The following CNTN3 variants were observed in gnomAD, a reference collection of about 807,000 sequenced individuals.
The protein encoded by CNTN3 is contactin 3.
A neutral mutation model predicts 119.1 loss-of-function variants in CNTN3; 60 were observed. The ratio of observed to expected loss-of-function variants is 0.50; its 90% CI spans 0.41 to 0.62. The LOEUF is 0.62. Among genes scored for constraint, CNTN3 ranks in the 20% least tolerant of loss-of-function variants. The pLI, the probability that CNTN3 is intolerant of heterozygous loss-of-function variation, is 0.00. For missense variants in CNTN3, 1,101 were observed against 1,242.4 expected (o/e 0.89, Z 1.71); for synonymous variants, 450 against 438.7 (o/e 1.03, Z -0.32).
intron 20 of CNTN3, among the ~76,000 whole-genome samples, chr3:74,278,406 A>G (rs999015119): frequency 2.6e-5 from 4 of 152,196 alleles, no homozygotes; most frequent in Non-Finnish European, 5.9e-5. Context: ...GTACAAAAGT[A>G]GGAGCATAGA....
At chr3:74,422,147 G>C (rs971603746) in intron 5 of CNTN3, among the ~76,000 whole-genome samples, 35 of 152,182 alleles carry the variant, frequency 2.3e-4, no homozygotes, top group African/African-American at 8.2e-4. Flanking sequence ...ACATAGGCCT[G>C]CCCTCAAGAA....
intron 1 of CNTN3, among the ~76,000 whole-genome samples, chr3:74,592,029 A>T (rs1704711367): frequency 1.3e-5 from 2 of 151,964 alleles, no homozygotes; most frequent in Admixed American, 6.6e-5. Context: ...AATATCAACC[A>T]GCCAGAGCAG....
At chr3:74,520,885 G>A (rs1002667208) in intron 2 of CNTN3, among the ~76,000 whole-genome samples, 173 bp downstream of exon 2, 43 of 151,422 alleles carry the variant, frequency 2.8e-4, no homozygotes, top group African/African-American at 1.0e-3. Flanking sequence ...AATAAGGGAA[G>A]GAATAAGAAC....
intron 1 of CNTN3, among the ~76,000 whole-genome samples, chr3:74,588,462 A>G (rs1052679438): frequency 2.0e-5 from 3 of 152,074 alleles, no homozygotes; most frequent in African/African-American, 4.8e-5. Flanking sequence ...AAGAGGATAC[A>G]AACAAATGGA....
At chr3:74,340,281 A>G (rs1229474751) in intron 11 of CNTN3, among the ~76,000 whole-genome samples, 1 of 152,144 alleles carries the variant, frequency 6.6e-6, no homozygotes, top group Admixed American at 6.6e-5. Flanking sequence ...TGTAGCAAAA[A>G]GATAAGGCAA....
intron 4 of CNTN3, among the ~76,000 whole-genome samples, chr3:74,441,193 A>C (rs1210193003): frequency 6.6e-6 from 1 of 152,132 alleles, no homozygotes; most frequent in Non-Finnish European, 1.5e-5. Context: ...ACCCAGAAAA[A>C]ACCCATCAAC....
At chr3:74,413,492 G>A (rs923784438) in intron 5 of CNTN3, among the ~76,000 whole-genome samples, 3 of 152,120 alleles carry the variant, frequency 2.0e-5, no homozygotes, top group African/African-American at 7.2e-5. Context: ...ACCAGCAAAT[G>A]GGAAATGCAT....
chr3:74,343,660 G>T (rs1318220950), intron 11 of CNTN3, among the ~76,000 whole-genome samples: 1 of 152,192 alleles, frequency 6.6e-6, no homozygotes, highest in African/African-American at 2.4e-5. Context: ...ATGCAGTCTT[G>T]GTAGGGCTAT....
chr3:74,298,132 A>G lies in CNTN3; in HGVS notation c.2226T>C (p.Pro742=), dbSNP rs1410271284. The G allele has an allele frequency of 1.1e-5, 18 of 1,612,516 alleles. No individual in the cohort carries two copies. Among genetic ancestry groups the G allele is most frequent in the Non-Finnish European group, 1.4e-5 (17 of 1,179,086 alleles). Residue 742 remains proline, a synonymous_variant, in exon 18 of 23, where the codon CCT becomes CCC. Coordinates refer to ENST00000263665, the MANE Select transcript of CNTN3 (RefSeq NM_020872.3). ...TCTGGATCCAGGTGGTAACCCCAAG[A>G]GGGCGGAAAGCAACAACATACCCAA... ...EGFGYVVAFR[P]LGVTTWIQTV...
chr3:74,461,627 C>T (rs960063349), intron 4 of CNTN3, among the ~76,000 whole-genome samples: 5 of 152,052 alleles, frequency 3.3e-5, no homozygotes, highest in African/African-American at 9.7e-5. Flanking sequence ...GATCCATTGA[C>T]ATCATTAGTA....
chr3:74,585,398 G>A (rs1704576955), intron 1 of CNTN3, among the ~76,000 whole-genome samples: 1 of 152,132 alleles, frequency 6.6e-6, no homozygotes, highest in Admixed American at 6.5e-5. Context: ...TTCTGTAAAA[G>A]AGCTGAAGGA....
At chr3:74,346,560 G>A (rs80279915) in intron 11 of CNTN3, among the ~76,000 whole-genome samples, 3,023 of 152,222 alleles carry the variant, frequency 0.02, 96 homozygotes, top group African/African-American at 0.069. Context: ...TTGGAGTGAG[G>A]CAGTGAGAAA....
At chr3:74,515,084 A>T (rs530972903) in intron 2 of CNTN3, among the ~76,000 whole-genome samples, 1 of 152,140 alleles carries the variant, frequency 6.6e-6, no homozygotes, top group South Asian at 2.1e-4. Flanking sequence ...GAAAAGAATA[A>T]ACACTGGAAA....
intron 4 of CNTN3, among the ~76,000 whole-genome samples, chr3:74,434,098 G>C (rs191945895): frequency 3.2e-4 from 49 of 152,256 alleles, no homozygotes; most frequent in African/African-American, 1.1e-3. Context: ...CTTTCTACTA[G>C]TGAAATTTAG....
chr3:74,347,194 C>T (rs1269689263), intron 11 of CNTN3, among the ~76,000 whole-genome samples: 1 of 152,148 alleles, frequency 6.6e-6, no homozygotes, highest in African/African-American at 2.4e-5. Flanking sequence ...AGCATGAATT[C>T]AGCCAGCTCT....
At chr3:74,545,719 C>T (rs1703904364) in intron 1 of CNTN3, among the ~76,000 whole-genome samples, 1 of 152,092 alleles carries the variant, frequency 6.6e-6, no homozygotes, top group Admixed American at 6.6e-5. Context: ...TTCAGTGATA[C>T]AAAGCAAATA....
At chr3:74,307,110 CAA>C (rs1421266495) in intron 13 of CNTN3, among the ~76,000 whole-genome samples, 4 of 151,986 alleles carry the variant, frequency 2.6e-5, no homozygotes, top group Non-Finnish European at 5.9e-5. Context: ...TAGGCATGTG[CAA>C]AGACCTAAGG....
At chr3:74,530,871 A>G (rs527270196) in intron 1 of CNTN3, among the ~76,000 whole-genome samples, 1 of 152,028 alleles carries the variant, frequency 6.6e-6, no homozygotes, top group African/African-American at 2.4e-5. Flanking sequence ...AAATATCCCC[A>G]GTGTTTTGGA....
intron 1 of CNTN3, among the ~76,000 whole-genome samples, chr3:74,595,060 T>C (rs1436217813): frequency 6.6e-6 from 1 of 152,022 alleles, no homozygotes; most frequent in Non-Finnish European, 1.5e-5. Flanking sequence ...ATGATGAGCA[T>C]TTTTTCATGT....
Sources: allele counts gnomAD v4.1 joint callset (sites outside exome capture counted in the v4.1 genomes callset), GRCh38; gene constraint gnomAD v4.1.1; transcripts MANE v1.5; gene names NCBI Gene and HGNC (gene_info 2026-07-23, HGNC 2026-07-21).